Variants in CCDC6 observed in about 807,000 individuals in gnomAD.
The protein encoded by CCDC6 is coiled-coil domain-containing protein 6.
In CCDC6, 20 loss-of-function variants were observed where a neutral mutation model predicts 56.6. The observed-to-expected ratio is 0.35, with a 90% CI of 0.25 to 0.51. The LOEUF (loss-of-function observed/expected upper bound fraction) is 0.51, where lower values mean the gene tolerates loss of function less well. Among genes scored for constraint, CCDC6 ranks in the 20% least tolerant of loss-of-function variants. The pLI, the probability that CCDC6 is intolerant of heterozygous loss-of-function variation, is 0.95. For synonymous variants in CCDC6, 241 were observed against 234.4 expected, an observed-to-expected ratio of 1.03 and a Z score of -0.26; for missense variants, 367 against 601.1, an observed-to-expected ratio of 0.61 and a Z score of 4.07.
At chr10:59,880,937 G>C (rs1208753336) in intron 1 of CCDC6, among the ~76,000 whole-genome samples, 1 of 152,172 alleles carries the variant, frequency 6.6e-6, no homozygotes, top group African/African-American at 2.4e-5. Context: ...TGCAACTCAG[G>C]AAGGAACGAT....
rs2071388527 is a variant in CCDC6 at position 59,887,171 on chromosome 10, T to G, written c.303+18951A>C. The stretch of plus-strand genomic sequence containing the variant: ...TAGAATCAGCTTGCTTAGCTAGGTG[T>G]CAATTCTGGCTCTCCTACTCTCTGC... On this transcript the variant is annotated intron_variant, in intron 1 of 8. Coordinates refer to ENST00000263102, the MANE Select transcript of CCDC6 (RefSeq NM_005436.5). Among the ~76,000 whole-genome samples, 3 of 152,178 alleles carry G rather than the reference T, an allele frequency of 2.0e-5. No homozygotes were observed. In the South Asian group the frequency reaches 6.2e-4, roughly 32 times the overall value.
At chr10:59,884,513 G>C (rs1444283410) in intron 1 of CCDC6, among the ~76,000 whole-genome samples, 6 of 152,140 alleles carry the variant, frequency 3.9e-5, no homozygotes, top group Admixed American at 1.3e-4. Context: ...GAAAGAAGGA[G>C]ACTGAAAACA....
At chr10:59,876,590 A>G (rs199711215) in intron 1 of CCDC6, among the ~76,000 whole-genome samples, 39 of 54,144 alleles carry the variant, frequency 7.2e-4, no homozygotes, top group South Asian at 1.5e-3. Flanking sequence ...GTTAAGGGGG[A>G]AAAAAAAAAA....
At chr10:59,868,057 T>C (rs549119594) in intron 1 of CCDC6, among the ~76,000 whole-genome samples, 1 of 152,222 alleles carries the variant, frequency 6.6e-6, no homozygotes, top group Admixed American at 6.5e-5. Flanking sequence ...GTTACAGGCG[T>C]GTCCTTAACC....
chr10:59,906,350 C>A lies in CCDC6; in HGVS notation c.75G>T (p.Ser25=). ...CGCCGCCCGAGGTCGACGAGCAGGA[C>A]GACTGCATGGCGGCCGAGCTGCTGC... ...GNSSSSAAMQ[S]SCSSTSGGGG... Residue 25 remains serine (S), a synonymous_variant, in exon 1 of 9, where the codon TCG becomes TCT. Transcript: ENST00000263102. The A allele has an allele frequency of 6.3e-7, 1 of 1,597,692 alleles. No individual in the cohort carries two copies. The highest frequency in any genetic ancestry group is 8.5e-7 in the Non-Finnish European group (1 of 1,178,622).
chr10:59,893,771 A>G (rs1313645921), intron 1 of CCDC6, among the ~76,000 whole-genome samples: 1 of 152,112 alleles, frequency 6.6e-6, no homozygotes, highest in Admixed American at 6.6e-5. Context: ...GCAGTTCCCA[A>G]AATCTATTCC....
chr10:59,833,934 C>T (rs2070857232), intron 2 of CCDC6, among the ~76,000 whole-genome samples: 1 of 152,114 alleles, frequency 6.6e-6, no homozygotes, highest in Admixed American at 6.5e-5. Context: ...GGACCCAGAA[C>T]CCCAAACCAG....
chr10:59,822,683 C>T lies in CCDC6; in HGVS notation c.583-7928G>A, dbSNP rs191916787. 3.9e-5 allele frequency among the ~76,000 whole-genome samples: 6 copies of T among 152,122 alleles called. No homozygotes were observed. In the East Asian group the frequency reaches 7.7e-4, roughly 20 times the overall value. On this transcript the variant is annotated intron_variant, in intron 3 of 8. Coordinates refer to ENST00000263102, the MANE Select transcript of CCDC6 (RefSeq NM_005436.5). ...GCTCATGCAGGAGGACTGCTTGAAC[C>T]GAGGAATTTGAGACCACCCTGGGCA...
intron 8 of CCDC6, 86 bp downstream of exon 8, chr10:59,794,387 C>A: frequency 7.1e-7 from 1 of 1,401,606 alleles, no homozygotes; most frequent in South Asian, 1.3e-5. Context: ...GGGCAAATGT[C>A]TAAGGGCACC....
chr10:59,883,249 G>A (rs2071359350), intron 1 of CCDC6, among the ~76,000 whole-genome samples: 1 of 152,154 alleles, frequency 6.6e-6, no homozygotes, highest in African/African-American at 2.4e-5. Flanking sequence ...TTACGAAAAG[G>A]ACTAAAGTAT....
Position 59,868,381 on chromosome 10 carries a change from T to C in CCDC6, c.304-15679A>G, listed in dbSNP as rs1331127107. ...CCACCACTGGACCGTGTGATTTTCC[T>C]GCCCAGCCCACCACCACTGGGCCAT... On this transcript the variant is annotated intron_variant, in intron 1 of 8. Coordinates refer to ENST00000263102, the MANE Select transcript of CCDC6 (RefSeq NM_005436.5). Among the ~76,000 whole-genome samples, 6 of 152,172 alleles carry C rather than the reference T, an allele frequency of 3.9e-5. 1 individual carries two copies. In the South Asian group the frequency reaches 1.2e-3, roughly 32 times the overall value.
intron 5 of CCDC6, among the ~76,000 whole-genome samples, chr10:59,812,249 G>C (rs1325867207): frequency 6.6e-6 from 1 of 152,106 alleles, no homozygotes; most frequent in African/African-American, 2.4e-5. Flanking sequence ...AGCTAAGGTT[G>C]AATGTAGTAG....
Position 59,792,951 on chromosome 10 carries a change from G to A in CCDC6, c.1391C>T (p.Ser464Leu), listed in dbSNP as rs138632063. 4.0e-4 allele frequency: 649 copies of A among 1,611,710 alleles called. 3 individuals are homozygous for A. The highest frequency in any genetic ancestry group is 2.3e-4 in the Non-Finnish European group (277 of 1,178,806). Residue 464 changes from serine to leucine, a missense_variant, in exon 9 of 9, where the codon TCG becomes TTG. By Grantham distance (145) the Ser-to-Leu change is moderately radical (BLOSUM62 -2). Coordinates refer to ENST00000263102, the MANE Select transcript of CCDC6 (RefSeq NM_005436.5). ...GGAGGAGGGGTGCGCCGAATGTTGC[G>A]AAGGAGTAGGCTGCGAGGTGGCTGC... ...PSAATSQPTPSQHSAHPSSQP is the reference protein window; with the variant it reads ...PSAATSQPTPLQHSAHPSSQP
At position 59,906,497 on chromosome 10, in the gene CCDC6, G is replaced by T. The variant is rs1589069537; in HGVS notation, c.-73C>A. 9 of 1,309,980 alleles carry T rather than the reference G, an allele frequency of 6.9e-6. No individual in the cohort carries two copies. The highest frequency in any genetic ancestry group is 9.0e-6 in the Non-Finnish European group (9 of 1,002,142). 81.1% of individuals were successfully genotyped at this position (1,309,980 alleles called of 1,614,324 possible). ...GCGACGAAGGCCGGGCTGCGAATGA[G>T]TGGGCGCCGGGCGAGCACAGGGGAG... On this transcript the variant is annotated 5_prime_UTR_variant, in exon 1 of 9. Transcript: ENST00000263102.
At position 59,838,539 on chromosome 10, in the gene CCDC6, A is replaced by C. The variant is rs543472804; in HGVS notation, c.454-5886T>G. On this transcript the variant is annotated intron_variant, in intron 2 of 8. Transcript: ENST00000263102. ...TTTCACACTACTCAGTTGATGTGAC[A>C]GTCCAAGGTTTGCAAGCATAAATGC... Among the ~76,000 whole-genome samples, 4 of 152,304 alleles carry C rather than the reference A, an allele frequency of 2.6e-5. No individual in the cohort carries two copies. In the South Asian group the frequency reaches 8.3e-4, roughly 32 times the overall value.
At position 59,906,227 on chromosome 10, in the gene CCDC6, C is replaced by G; in HGVS notation, c.198G>C (p.Leu66=). Reference sequence around the variant, plus strand: ...TCTTCAGCACCTTGTTCTCTTGCTGCAGCGAGGCCAGGCGGTTGGTGAGCT... The same window carrying G: ...TCTTCAGCACCTTGTTCTCTTGCTGGAGCGAGGCCAGGCGGTTGGTGAGCT... ...LEELTNRLAS[L]QQENKVLKIE... The change falls in exon 1 of 9, where the codon CTG becomes CTC. Residue 66 remains leucine (L), a synonymous_variant. Transcript: ENST00000263102. The G allele has an allele frequency of 6.2e-7, 1 of 1,613,642 alleles. No homozygotes were observed.
In CCDC6 at chr10:59,855,661, G is replaced by A. The variant is rs115885101; in HGVS notation, c.304-2959C>T. Among the ~76,000 whole-genome samples, 508 of 152,298 alleles carry A rather than the reference G, an allele frequency of 3.3e-3. 2 individuals are homozygous for A. The highest frequency in any genetic ancestry group is 0.012 in the African/African-American group (493 of 41,578). The stretch of plus-strand genomic sequence containing the variant: ...CTACACGGATTCTTTTTGGGGTGAT[G>A]AAAATGTTCTGGAATTAGGGCTAAT... On this transcript the variant is annotated intron_variant, in intron 1 of 8. Coordinates refer to ENST00000263102, the MANE Select transcript of CCDC6 (RefSeq NM_005436.5).
chr10:59,814,834 G>T, intron 3 of CCDC6, 79 bp from the exon 4 acceptor site: 1 of 905,820 alleles, frequency 1.1e-6, no homozygotes. Flanking sequence ...GAACAATTAG[G>T]ACCCCTTTTC....
intron 1 of CCDC6, among the ~76,000 whole-genome samples, chr10:59,860,408 A>G (rs1220401555): frequency 6.6e-6 from 1 of 152,178 alleles, no homozygotes; most frequent in African/African-American, 2.4e-5. Flanking sequence ...GGATCAGAAG[A>G]ACTGAGAACC....
Sources: allele counts gnomAD v4.1 joint callset (sites outside exome capture counted in the v4.1 genomes callset), GRCh38; gene constraint gnomAD v4.1.1; transcripts MANE v1.5; gene names NCBI Gene and HGNC (gene_info 2026-07-23, HGNC 2026-07-21).